The following PMS2 variants were observed in gnomAD, a reference collection of about 807,000 sequenced individuals.
The protein encoded by PMS2 is PMS1 homolog 2, mismatch repair system component.
Under a neutral mutation model 90.0 loss-of-function variants are expected in PMS2, and 69 were observed. The ratio of observed to expected loss-of-function variants is 0.77; its 90% CI spans 0.63 to 0.94. The LOEUF is 0.94. Ranked by LOEUF, PMS2 falls within the 40% of genes least tolerant of loss-of-function variation. The pLI is 0.00. For synonymous variants in PMS2, 332 were observed against 375.1 expected (o/e 0.89, Z 1.33); for missense variants, 966 against 1,040.2 (o/e 0.93, Z 0.98).
rs138222146 is a variant in PMS2, at chr7:5,987,149, G to A, written c.1616C>T (p.Ala539Val). Residue 539 changes from alanine to valine, a missense_variant, in exon 11 of 15, where the codon GCG becomes GTG. This residue lies in a region of PMS2 where 871 missense variants were observed against 802.4 expected (regional missense o/e 1.09). Coordinates refer to ENST00000265849, the MANE Select transcript of PMS2 (RefSeq NM_000535.7). ...TGAAAAAGAGTCGTCAGTTTTAGGC[G>A]CTTTCTCCTGAGAGTCCACATGTTC... ...SQEHVDSQEK[A>V]PKTDDSFSDV... is the part of the protein sequence containing the mutation. The A allele has an allele frequency of 2.1e-5, 34 of 1,613,618 alleles. No individual in the cohort carries two copies. The highest frequency in any genetic ancestry group is 5.3e-5 in the African/African-American group (4 of 74,892).
At position 5,989,872 on chromosome 7, in the gene PMS2, A is replaced by T. The variant is rs767755376; in HGVS notation, c.1072T>A (p.Ser358Thr). ...EKLLLAVLKTSLIGMFDSDVN... is the reference protein window; with the variant it reads ...EKLLLAVLKTTLIGMFDSDVN... Reference sequence around the variant, plus strand: ...TCACTATCAAACATTCCTATCAAAGAGGTCTTTAAAACTGCCAACAAAAGC... The same window carrying T: ...TCACTATCAAACATTCCTATCAAAGTGGTCTTTAAAACTGCCAACAAAAGC... The change falls in exon 10 of 15, where the codon TCT (serine) becomes ACT (threonine). Residue 358 changes from serine (S) to threonine (T), a missense_variant. By Grantham distance (58) the Ser-to-Thr change is moderately conservative. Transcript: ENST00000265849. 3 of 1,612,400 alleles carry T rather than the reference A, an allele frequency of 1.9e-6. No homozygotes were observed. Among genetic ancestry groups the T allele is most frequent in the Non-Finnish European group, 2.5e-6 (3 of 1,178,696 alleles).
At chr7:5,993,760 C>G (rs1207399682) in intron 8 of PMS2, among the ~76,000 whole-genome samples, 1 of 139,406 alleles carries the variant, frequency 7.2e-6, no homozygotes, top group African/African-American at 2.6e-5. Flanking sequence ...ACTAGAGAGG[C>G]TGGGGCAGGA....
rs1020013805 is a variant in PMS2 at position 5,996,990 on chromosome 7, G to A, written c.803+336C>T. Among the ~76,000 whole-genome samples the A allele has an allele frequency of 1.1e-4, 16 of 152,062 alleles. No individual in the cohort carries two copies. In the South Asian group the frequency reaches 1.3e-3, roughly 12 times the overall value. The stretch of plus-strand genomic sequence containing the variant: ...AGCACTTTGGGACACCAAGGTGGGC[G>A]GATCATCTGAGGTCAGGAGTTCGAG... On this transcript the variant is annotated intron_variant, in intron 7 of 14. Transcript: ENST00000265849.
chr7:5,995,374 C>T (rs1047886378), intron 8 of PMS2, among the ~76,000 whole-genome samples, 160 bp downstream of exon 8: 2 of 152,136 alleles, frequency 1.3e-5, no homozygotes, highest in Non-Finnish European at 2.9e-5. Context: ...AGCTGGGGGC[C>T]ATCTGCGGTA....
chr7:6,008,032 G>A (rs974148810), intron 1 of PMS2, among the ~76,000 whole-genome samples: 23 of 151,842 alleles, frequency 1.5e-4, no homozygotes, highest in African/African-American at 5.6e-4. Context: ...GTTAATTTTT[G>A]TATTTTTAGT....
chr7:6,003,568 C>G (rs1368060678), intron 4 of PMS2, 122 bp downstream of exon 4: 2 of 676,382 alleles, frequency 3.0e-6, no homozygotes, highest in Admixed American at 2.3e-5. Context: ...CGAGACAAAA[C>G]AGAATTCAGA....
chr7:5,983,597 G>A (rs1782541667), intron 11 of PMS2, among the ~76,000 whole-genome samples: 1 of 151,188 alleles, frequency 6.6e-6, no homozygotes, highest in Non-Finnish European at 1.5e-5. Context: ...ATCACTTAAT[G>A]CATCTGAAAC....
At chr7:5,992,170 TTTG>T in intron 8 of PMS2, 113 bp from the exon 9 acceptor site, 2 of 681,834 alleles carry the variant, frequency 2.9e-6, no homozygotes, top group Non-Finnish European at 2.6e-6. Flanking sequence ...GGGATACTTT[TTTG>T]TTTTTTTTTT....
chr7:5,997,572 T>A, intron 6 of PMS2, 149 bp from the exon 7 acceptor site: 1 of 641,514 alleles, frequency 1.6e-6, no homozygotes. Flanking sequence ...TGAGACAGGG[T>A]CTCCCTCTAT....
chr7:5,995,671 G>C (rs1430606716), intron 7 of PMS2, 38 bp from the exon 8 acceptor site: 1 of 1,353,554 alleles, frequency 7.4e-7, no homozygotes, highest in South Asian at 1.2e-5. Flanking sequence ...GGATTCCAGA[G>C]TGAAAGGGAT....
At chr7:6,001,754 T>G (rs939933275) in intron 5 of PMS2, among the ~76,000 whole-genome samples, 7 of 151,484 alleles carry the variant, frequency 4.6e-5, no homozygotes, top group African/African-American at 1.7e-4. Context: ...GAGGCCAAGG[T>G]GGGCAGATCA....
intron 7 of PMS2, among the ~76,000 whole-genome samples, chr7:5,996,583 A>AACAAC (rs1256890041): frequency 1.1e-5 from 1 of 93,402 alleles, no homozygotes; most frequent in African/African-American, 6.4e-5. Flanking sequence ...AAGCTAAAAA[A>AACAAC]AAAAAAAATA....
chr7:5,982,785 T>C lies in PMS2; in HGVS notation c.2174+39A>G, dbSNP rs760327865. The C allele has an allele frequency of 3.7e-6, 6 of 1,610,514 alleles. No homozygotes were observed. The highest frequency in any genetic ancestry group is 4.2e-6 in the Non-Finnish European group (5 of 1,179,362). On this transcript the variant is annotated intron_variant, in intron 12 of 14. Transcript: ENST00000265849. ...CCTTGGCCTCTATTAGATCTTCAAT[T>C]TGAGGGGGAGTCTGGGAATGAACAC...
At chr7:5,977,083 C>T (rs995178004) in intron 14 of PMS2, among the ~76,000 whole-genome samples, 2 of 149,616 alleles carry the variant, frequency 1.3e-5, no homozygotes, top group African/African-American at 4.9e-5. Context: ...GAGACGGAGT[C>T]TCGCTCTGTC....
chr7:6,008,778 C>T (rs1361813528), intron 1 of PMS2, among the ~76,000 whole-genome samples: 1 of 152,168 alleles, frequency 6.6e-6, no homozygotes, highest in Non-Finnish European at 1.5e-5. Flanking sequence ...AATCCTTTGC[C>T]CGCAGCCCAG....
At chr7:6,002,081 G>C in intron 5 of PMS2, 1 of 237,852 alleles carries the variant, frequency 4.2e-6, no homozygotes, top group Non-Finnish European at 8.3e-6. Flanking sequence ...CCAGTCTTAA[G>C]TGCAGTGGCG....
chr7:5,994,939 T>C (rs1394674123), intron 8 of PMS2, among the ~76,000 whole-genome samples: 2 of 152,138 alleles, frequency 1.3e-5, no homozygotes, highest in Non-Finnish European at 2.9e-5. Flanking sequence ...CTGTAATTTA[T>C]TGAATACTAT....
intron 13 of PMS2, among the ~76,000 whole-genome samples, chr7:5,978,367 T>C (rs1781943745): frequency 6.8e-6 from 1 of 146,650 alleles, no homozygotes; most frequent in Non-Finnish European, 1.5e-5. Flanking sequence ...ACCTCCCGGG[T>C]TCAAGCGATT....
In PMS2 at chr7:5,987,319, A is replaced by G; in HGVS notation, c.1446T>C (p.Ser482=). The change falls in exon 11 of 15, where the codon AGT becomes AGC. Residue 482 remains serine, a synonymous_variant. Transcript: ENST00000265849. ...KEAVSSSHGP[S]DPTDRAEVEK... ...CCACCTCCGCTCTGTCCGTAGGGTCACTGGGTCCGTGACTGGAACTCACTG... is the reference window on the plus strand; with the variant it reads ...CCACCTCCGCTCTGTCCGTAGGGTCGCTGGGTCCGTGACTGGAACTCACTG... The G allele has an allele frequency of 1.2e-6, 2 of 1,614,106 alleles. No homozygotes were observed. The highest frequency in any genetic ancestry group is 1.7e-6 in the Non-Finnish European group (2 of 1,180,020).
Sources: allele counts gnomAD v4.1 joint callset (sites outside exome capture counted in the v4.1 genomes callset), GRCh38; gene constraint gnomAD v4.1.1; regional missense constraint gnomAD v4.1.1; transcripts MANE v1.5; gene names NCBI Gene and HGNC (gene_info 2026-07-23, HGNC 2026-07-21).